Variants in ITSN2 observed in about 807,000 individuals in gnomAD.
ITSN2 encodes the protein intersectin 2.
In ITSN2, 156 loss-of-function variants were observed where a neutral mutation model predicts 243.7. The ratio of observed to expected loss-of-function variants is 0.64; its 90% CI spans 0.56 to 0.73. The LOEUF is 0.73. Among genes scored for constraint, ITSN2 ranks in the 30% least tolerant of loss-of-function variants. ITSN2 has a pLI of 0.00. For missense variants in ITSN2, 1,801 were observed against 1,996.1 expected, an observed-to-expected ratio of 0.90 and a Z score of 1.86; for synonymous variants, 703 against 699.9, an observed-to-expected ratio of 1.00 and a Z score of -0.07.
chr2:24,247,994 C>A, intron 27 of ITSN2, among the ~76,000 whole-genome samples: 1 of 152,294 alleles, frequency 6.6e-6, no homozygotes, highest in Middle Eastern at 3.4e-3. Context: ...ATCCTCCATA[C>A]TACAATTATA....
rs770848075 is a variant in ITSN2 at position 24,236,234 on chromosome 2, T to C, written c.3577+9895A>G. On this transcript the variant is annotated intron_variant, in intron 29 of 39. Coordinates refer to ENST00000355123, the MANE Select transcript of ITSN2 (RefSeq NM_006277.3). ...CTTGAAAACATTATGCTAAGTGAAATAAGCCAATCACAAAATGCTACACAT... is the reference window on the plus strand; with the variant it reads ...CTTGAAAACATTATGCTAAGTGAAACAAGCCAATCACAAAATGCTACACAT... 7.8e-4 allele frequency among the ~76,000 whole-genome samples: 118 copies of C among 152,168 alleles called. 3 individuals are homozygous for C. Among genetic ancestry groups the C allele is most frequent in the Middle Eastern group, 3.2e-3 (1 of 316 alleles).
At chr2:24,220,901 A>G in intron 30 of ITSN2, 44 bp downstream of exon 30, 3 of 1,557,480 alleles carry the variant, frequency 1.9e-6, no homozygotes, top group Non-Finnish European at 2.6e-6. Context: ...CTCTCATGAG[A>G]GACAGCAGAT....
chr2:24,298,189 A>C (rs1681233809), intron 13 of ITSN2, among the ~76,000 whole-genome samples: 3 of 151,582 alleles, frequency 2.0e-5, no homozygotes, highest in Non-Finnish European at 4.4e-5. Flanking sequence ...ACGGAGTCTC[A>C]CTCTGTTGCC....
intron 30 of ITSN2, among the ~76,000 whole-genome samples, chr2:24,218,880 T>C (rs546770446): frequency 6.6e-6 from 1 of 152,288 alleles, no homozygotes; most frequent in South Asian, 2.1e-4. Flanking sequence ...ATGTCATCTT[T>C]CCAAAATGCC....
At chr2:24,338,991 C>T (rs1223595541) in intron 1 of ITSN2, among the ~76,000 whole-genome samples, 1 of 152,138 alleles carries the variant, frequency 6.6e-6, no homozygotes, top group East Asian at 1.9e-4. Context: ...ACTGAGTGAA[C>T]TCCAAGTGTC....
intron 5 of ITSN2, among the ~76,000 whole-genome samples, 159 bp downstream of exon 5, chr2:24,312,053 T>A (rs1051938642): frequency 6.6e-6 from 1 of 152,330 alleles, no homozygotes; most frequent in East Asian, 1.9e-4. Context: ...ATCCCCTACC[T>A]GTGACAGTGA....
At chr2:24,291,679 G>C (rs1680276219) in intron 15 of ITSN2, among the ~76,000 whole-genome samples, 1 of 151,902 alleles carries the variant, frequency 6.6e-6, no homozygotes, top group African/African-American at 2.4e-5. Context: ...TAGTAGAGAT[G>C]GCGTATCACC....
intron 12 of ITSN2, among the ~76,000 whole-genome samples, chr2:24,299,438 T>G (rs1400533795): frequency 6.6e-6 from 1 of 152,188 alleles, no homozygotes; most frequent in African/African-American, 2.4e-5. Context: ...CCAGTCCTCC[T>G]AAGGACCCTT....
intron 17 of ITSN2, among the ~76,000 whole-genome samples, chr2:24,281,095 C>G (rs1678716357): frequency 6.6e-6 from 1 of 152,192 alleles, no homozygotes; most frequent in African/African-American, 2.4e-5. Flanking sequence ...GTGGTGTAAC[C>G]TTGCCTCACT....
At chr2:24,358,057 G>A (rs1165840896) in intron 1 of ITSN2, among the ~76,000 whole-genome samples, 4 of 152,184 alleles carry the variant, frequency 2.6e-5, no homozygotes, top group African/African-American at 9.7e-5. Context: ...GGGACTACAG[G>A]CGCACGCCAC....
At position 24,216,201 on chromosome 2, in the gene ITSN2, C is replaced by T. The variant is rs1351654774; in HGVS notation, c.3838G>A (p.Glu1280Lys). 3.1e-6 allele frequency: 5 copies of T among 1,606,924 alleles called. No homozygotes were observed. The highest frequency in any genetic ancestry group is 1.3e-5 in the African/African-American group (1 of 74,522). The change falls in exon 32 of 40, where the codon GAG (glutamate) becomes AAG (lysine). Residue 1280 changes from glutamate to lysine, a missense_variant. Physicochemically the swap from Glu to Lys is moderately conservative, Grantham distance 56 (BLOSUM62 1). This residue lies in a region of ITSN2 where 928 missense variants were observed against 1,065.4 expected (regional missense o/e 0.87). Coordinates refer to ENST00000355123, the MANE Select transcript of ITSN2 (RefSeq NM_006277.3). ...ALRVRKKTGG[E>K]KMPVQMIGDI... The stretch of plus-strand genomic sequence containing the variant: ...CCAATCATCTGCACCGGCATCTTCT[C>T]GCCCCCGGTCTTCTTCCGCACCCGC...
At chr2:24,342,131 A>G (rs1322961856) in intron 1 of ITSN2, among the ~76,000 whole-genome samples, 1 of 152,168 alleles carries the variant, frequency 6.6e-6, no homozygotes, top group African/African-American at 2.4e-5. Context: ...ACAAAGGCAT[A>G]CATAAGTTTA....
At chr2:24,223,865 AAGAAAGAAAAAAAAGAAAGAAGAAAAAT>A (rs1670746457) in intron 29 of ITSN2, among the ~76,000 whole-genome samples, 8 of 14,970 alleles carry the variant, frequency 5.3e-4, no homozygotes, top group African/African-American at 1.5e-3. Context: ...AAAGAAAGGA[AAGAAAGAAAAAAAAGAAAGAAGAAAAAT>A]AAAGAAAAGA....
intron 37 of ITSN2, among the ~76,000 whole-genome samples, chr2:24,207,905 G>C (rs1669072052): frequency 6.6e-6 from 1 of 151,850 alleles, no homozygotes; most frequent in South Asian, 2.1e-4. Context: ...ACAGACCACA[G>C]GTGTGGCATG....
intron 1 of ITSN2, among the ~76,000 whole-genome samples, chr2:24,338,889 G>A (rs551451295): frequency 2.6e-5 from 4 of 152,210 alleles, no homozygotes; most frequent in East Asian, 1.9e-4. Flanking sequence ...AGAACAGAAC[G>A]AACACTACTT....
At chr2:24,220,643 C>T (rs1670353607) in intron 30 of ITSN2, 2 of 1,243,436 alleles carry the variant, frequency 1.6e-6, no homozygotes, top group Admixed American at 4.4e-5. Context: ...CCCGTCCTTC[C>T]TTGATGGGGC....
rs1675866022 is a variant in ITSN2 at position 24,261,592 on chromosome 2, C to T, written c.2506G>A (p.Val836Ile). 2 of 1,613,046 alleles carry T rather than the reference C, an allele frequency of 1.2e-6. No homozygotes were observed. Among genetic ancestry groups the T allele is most frequent in the Middle Eastern group, 1.7e-4 (1 of 6,010 alleles). Residue 836 changes from valine to isoleucine, a missense_variant, in exon 21 of 40, where the codon GTT becomes ATT. Physicochemically the swap from Val to Ile is conservative, Grantham distance 29. Coordinates refer to ENST00000355123, the MANE Select transcript of ITSN2 (RefSeq NM_006277.3). ...GAAGTTGAGGTAGCAGATAAAGAAACTGTAGGAGGAAGTAAGGCCTTCTTT... is the reference window on the plus strand; with the variant it reads ...GAAGTTGAGGTAGCAGATAAAGAAATTGTAGGAGGAAGTAAGGCCTTCTTT... ...SPKKALLPPT[V>I]SLSATSTSSE...
chr2:24,225,247 C>T lies in ITSN2; in HGVS notation c.3578-4181G>A, dbSNP rs1670912854. ...GTCCCTCCTATCCCACTGTTTGAAA[C>T]CAACCAACAAGCACACTTCTCCAAC... On this transcript the variant is annotated intron_variant, in intron 29 of 39. Coordinates refer to ENST00000355123, the MANE Select transcript of ITSN2 (RefSeq NM_006277.3). The surrounding 1 kb of genome is among the most constrained non-coding windows in gnomAD (Gnocchi z 4.2). Among the ~76,000 whole-genome samples the T allele has an allele frequency of 6.6e-6, 1 of 152,198 alleles. No homozygotes were observed. The highest frequency in any genetic ancestry group is 2.4e-5 in the African/African-American group (1 of 41,444).
intron 22 of ITSN2, 52 bp downstream of exon 22, chr2:24,261,054 A>C: frequency 6.6e-7 from 1 of 1,525,630 alleles, no homozygotes; most frequent in South Asian, 1.2e-5. Context: ...ATTCTATTTT[A>C]ATCAGGAGCA....
Sources: allele counts gnomAD v4.1 joint callset (sites outside exome capture counted in the v4.1 genomes callset), GRCh38; gene constraint gnomAD v4.1.1; regional missense constraint gnomAD v4.1.1; non-coding constraint Gnocchi (gnomAD v3.1); transcripts MANE v1.5; gene names NCBI Gene and HGNC (gene_info 2026-07-23, HGNC 2026-07-21).